Variants in CCDC177 observed in about 807,000 individuals in gnomAD.
CCDC177 encodes coiled-coil domain-containing protein 177.
Under a neutral mutation model 7.3 loss-of-function variants are expected in CCDC177, and 2 were observed. The ratio of observed to expected loss-of-function variants is 0.28; its 90% CI spans 0.11 to 0.87. The LOEUF (loss-of-function observed/expected upper bound fraction) is 0.87. Among genes scored for constraint, CCDC177 ranks in the 40% least tolerant of loss-of-function variants. CCDC177 has a pLI of 0.61. For synonymous variants in CCDC177, 401 were observed against 449.2 expected, an observed-to-expected ratio of 0.89 and a Z score of 1.36; for missense variants, 874 against 970.5, an observed-to-expected ratio of 0.90 and a Z score of 1.32.
rs1197094298 is a variant in CCDC177 at position 69,573,083 on chromosome 14, GGCC to G, written c.537_539del (p.Ala180del). 1.4e-4 allele frequency: 156 copies of G among 1,103,550 alleles called. 2 individuals carry two copies. The East Asian group carries it at 4.8e-3, about 34-fold the overall frequency. 68.4% of individuals were successfully genotyped at this position (1,103,550 alleles called of 1,614,324 possible). ...TGCTGCTGCCCGCGCTCGGGGCCGA[GGCC>G]GCGGCGGCGGCGGCGGCGGCGGCGG... On this transcript the variant is annotated inframe_deletion, in exon 2 of 2. Transcript: ENST00000599174.
Position 69,572,699 on chromosome 14 carries a change from C to G in CCDC177, c.924G>C (p.Leu308=). 1.6e-6 allele frequency: 2 copies of G among 1,231,494 alleles called. No individual in the cohort carries two copies. Among genetic ancestry groups the G allele is most frequent in the Non-Finnish European group, 2.0e-6 (2 of 987,778 alleles). The allele number at this position is 1,231,494 out of a possible 1,614,324, so 76.3% of individuals were successfully genotyped here. A position where few individuals can be genotyped will look rare whatever the true frequency, so the allele number is the denominator to read the frequency against. The stretch of plus-strand genomic sequence containing the variant: ...GCTGAGCGGTCTGCGGCGAATGGCT[C>G]AGGTCGCCGAGGCTGAAGCTGCGGC... The part of the protein sequence containing the change: ...ITGRSFSLGD[L]SHSPQTAQHV... Residue 308 remains leucine, a synonymous_variant, in exon 2 of 2, where the codon CTG becomes CTC. Coordinates refer to ENST00000599174, the MANE Select transcript of CCDC177 (RefSeq NM_001271507.2).
chr14:69,572,781 G>A lies in CCDC177; in HGVS notation c.842C>T (p.Ser281Phe). 1 of 1,230,914 alleles carries A rather than the reference G, an allele frequency of 8.1e-7. No homozygotes were observed. Among genetic ancestry groups the A allele is most frequent in the South Asian group, 4.1e-5 (1 of 24,302 alleles). The allele number at this position is 1,230,914 out of a possible 1,614,324, so 76.2% of individuals were successfully genotyped here. A position where few individuals can be genotyped will look rare whatever the true frequency, so the allele number is the denominator to read the frequency against. The change falls in exon 2 of 2, where the codon TCC becomes TTC. Residue 281 changes from serine to phenylalanine, a missense_variant. Ser to Phe is a radical substitution (Grantham distance 155). Transcript: ENST00000599174. The stretch of plus-strand genomic sequence containing the variant: ...GCGGCCCGGAGCGTTGGTGGTGGAG[G>A]ACGCCGACCCCGCTGGGCAGCTGTT... ...ARNSCPAGSA[S>F]STTNAPGRPS...
Position 69,572,362 on chromosome 14 carries a change from A to G in CCDC177, c.1261T>C (p.Tyr421His). The G allele has an allele frequency of 1.6e-6, 2 of 1,222,040 alleles. No homozygotes were observed. The highest frequency in any genetic ancestry group is 2.0e-6 in the Non-Finnish European group (2 of 982,016). The allele number at this position is 1,222,040 out of a possible 1,614,324, so 75.7% of individuals were successfully genotyped here. Reference protein sequence around the residue: ...REAARRRQRQYERSEERRREL... With the variant: ...REAARRRQRQHERSEERRREL... ...CGCCGCCGCTCCTCGCTGCGCTCGTACTGCCGCTGCCGCCGCCGCGCCGCC... is the reference window on the plus strand; with the variant it reads ...CGCCGCCGCTCCTCGCTGCGCTCGTGCTGCCGCTGCCGCCGCCGCGCCGCC... Residue 421 changes from tyrosine to histidine, a missense_variant, in exon 2 of 2, where the codon TAC becomes CAC. By Grantham distance (83) the Tyr-to-His change is moderately conservative (BLOSUM62 2). Transcript: ENST00000599174.
At position 69,571,206 on chromosome 14, in the gene CCDC177, A is replaced by G. The variant is rs1884317001; in HGVS notation, c.*293T>C. 1.8e-6 allele frequency: 1 copy of G among 549,738 alleles called. No homozygotes were observed. The highest frequency in any genetic ancestry group is 1.9e-5 in the African/African-American group (1 of 52,790). 34.1% of individuals were successfully genotyped at this position (549,738 alleles called of 1,614,324 possible). A position where few individuals can be genotyped will look rare whatever the true frequency, so the allele number is the denominator to read the frequency against. ...CAGTCCTGATCAGCCCCTTTCCCCC[A>G]AGCTTCTCTATTCCAGCCCAAGAGA... On this transcript the variant is annotated 3_prime_UTR_variant, in exon 2 of 2. Transcript: ENST00000599174.
In CCDC177 at chr14:69,571,672, G is replaced by C; in HGVS notation, c.1951C>G (p.Leu651Val). The change falls in exon 2 of 2, where the codon CTG becomes GTG. Residue 651 changes from leucine (L) to valine (V), a missense_variant. Physicochemically the swap from Leu to Val is conservative, Grantham distance 32 (BLOSUM62 1). Transcript: ENST00000599174. ...CGCGTCAGCTGCTCGCTGCGCTCCAGCTTGCGCCCGATGGCCTGGAGTAGC... is the reference window on the plus strand; with the variant it reads ...CGCGTCAGCTGCTCGCTGCGCTCCACCTTGCGCCCGATGGCCTGGAGTAGC... ...RELLQAIGRK[L>V]ERSEQLTRER... The C allele has an allele frequency of 8.1e-7, 1 of 1,232,088 alleles. No individual in the cohort carries two copies. Among genetic ancestry groups the C allele is most frequent in the African/African-American group, 1.5e-5 (1 of 64,550 alleles). The allele number at this position is 1,232,088 out of a possible 1,614,324, so 76.3% of individuals were successfully genotyped here. A position where few individuals can be genotyped will look rare whatever the true frequency, so the allele number is the denominator to read the frequency against.
intron 1 of CCDC177, 129 bp from the exon 2 acceptor site, chr14:69,573,779 C>G (rs1884384752): frequency 1.1e-6 from 1 of 888,014 alleles, no homozygotes; most frequent in Non-Finnish European, 1.5e-6. Flanking sequence ...GAACGTAAAT[C>G]ATAAAACCGA....
chr14:69,573,094 CGG>C lies in CCDC177; in HGVS notation c.527_528del (p.Ala176GlyfsTer35). On this transcript the variant is annotated frameshift_variant, in exon 2 of 2. Coordinates refer to ENST00000599174, the MANE Select transcript of CCDC177 (RefSeq NM_001271507.2). LOFTEE classifies it low-confidence loss of function (END_TRUNC). The part of the protein sequence containing the change: ...PLSPAAAAAA[A>X]AAAASAPSAG... The stretch of plus-strand genomic sequence containing the variant: ...GCGCTCGGGGCCGAGGCCGCGGCGG[CGG>C]CGGCGGCGGCGGCGGCCGCGGGGCT... 1 of 884,386 alleles carries C rather than the reference CGG, an allele frequency of 1.1e-6. No homozygotes were observed. The highest frequency in any genetic ancestry group is 1.4e-6 in the Non-Finnish European group (1 of 696,306). The allele number at this position is 884,386 out of a possible 1,614,324, so 54.8% of individuals were successfully genotyped here. A position where few individuals can be genotyped will look rare whatever the true frequency, so the allele number is the denominator to read the frequency against.
Position 69,574,510 on chromosome 14 carries a change from G to T in CCDC177, c.-29+32C>A, listed in dbSNP as rs534056611. ...AAAGAACCTGGCCGCCCAGGTTCCC[G>T]CAGCTCCCGGTACCCGAGCCGGTTT... On this transcript the variant is annotated intron_variant, in intron 1 of 1. Transcript: ENST00000599174. The T allele has an allele frequency of 5.5e-3, 842 of 152,354 alleles. 5 individuals carry two copies. The highest frequency in any genetic ancestry group is 0.019 in the African/African-American group (794 of 41,570). The allele number at this position is 152,354 out of a possible 1,614,324, so 9.4% of individuals were successfully genotyped here.
chr14:69,572,627 G>T lies in CCDC177; in HGVS notation c.996C>A (p.Arg332=). 8.1e-7 allele frequency: 1 copy of T among 1,231,252 alleles called. No homozygotes were observed. The highest frequency in any genetic ancestry group is 1.0e-6 in the Non-Finnish European group (1 of 987,604). 76.3% of individuals were successfully genotyped at this position (1,231,252 alleles called of 1,614,324 possible). A position where few individuals can be genotyped will look rare whatever the true frequency, so the allele number is the denominator to read the frequency against. The change falls in exon 2 of 2, where the codon CGC becomes CGA. Residue 332 remains arginine (R), a synonymous_variant. Transcript: ENST00000599174. ...VRQVRAERGL[R]GVPERDRKIA... ...TCTTCCGGTCACGCTCCGGCACCCC[G>T]CGCAGGCCGCGCTCTGCACGCACTT... is the stretch of plus-strand genomic sequence containing the variant.
At chr14:69,573,773 G>T in intron 1 of CCDC177, 123 bp from the exon 2 acceptor site, 1 of 922,542 alleles carries the variant, frequency 1.1e-6, no homozygotes, top group Non-Finnish European at 1.4e-6. Context: ...TTGGTGGAAC[G>T]TAAATCATAA....
At chr14:69,574,335 A>G (rs1286201640) in intron 1 of CCDC177, among the ~76,000 whole-genome samples, 6 of 151,958 alleles carry the variant, frequency 3.9e-5, no homozygotes, top group Non-Finnish European at 8.8e-5. Context: ...GGGGATGGAG[A>G]AGGTGCCTGG....
In CCDC177 at chr14:69,572,879, C is replaced by T. The variant is rs987007762; in HGVS notation, c.744G>A (p.Ser248=). Residue 248 remains serine, a synonymous_variant, in exon 2 of 2, where the codon TCG becomes TCA. Coordinates refer to ENST00000599174, the MANE Select transcript of CCDC177 (RefSeq NM_001271507.2). ...CACTGTAGGATGACGACGATGCGCC[C>T]GACTCGGAGCTGAGGGCGCCCTCAC... ...RRREGALSSE[S]GASSSSYSGE... 1 of 1,230,952 alleles carries T rather than the reference C, an allele frequency of 8.1e-7. No homozygotes were observed. The highest frequency in any genetic ancestry group is 1.0e-6 in the Non-Finnish European group (1 of 987,472). 76.3% of individuals were successfully genotyped at this position (1,230,952 alleles called of 1,614,324 possible). A position where few individuals can be genotyped will look rare whatever the true frequency, so the allele number is the denominator to read the frequency against.
chr14:69,573,455 G>C lies in CCDC177; in HGVS notation c.168C>G (p.Val56=). ...GCCCGCCTTCTGCGGCTGCACATGG[G>C]ACTTCTGCCTTGCGGGGCACCGCCG... ...ASAAVPRKAE[V]PCAAAEGGRR... The change falls in exon 2 of 2, where the codon GTC becomes GTG. Residue 56 remains valine, a synonymous_variant. Coordinates refer to ENST00000599174, the MANE Select transcript of CCDC177 (RefSeq NM_001271507.2). 2.4e-6 allele frequency: 3 copies of C among 1,231,444 alleles called. No individual in the cohort carries two copies. The highest frequency in any genetic ancestry group is 1.0e-6 in the Non-Finnish European group (1 of 987,814). 76.3% of individuals were successfully genotyped at this position (1,231,444 alleles called of 1,614,324 possible). A position where few individuals can be genotyped will look rare whatever the true frequency, so the allele number is the denominator to read the frequency against.
Position 69,570,760 on chromosome 14 carries a change from A to G in CCDC177, c.*739T>C. The G allele has an allele frequency of 2.2e-6, 1 of 456,912 alleles. No homozygotes were observed. The highest frequency in any genetic ancestry group is 1.5e-5 in the South Asian group (1 of 64,526). 28.3% of individuals were successfully genotyped at this position (456,912 alleles called of 1,614,324 possible). ...GGCTGGGGGTTTCTATTAAAGCTAAACAGCATCACCAAACCAACCAATTTC... is the reference window on the plus strand; with the variant it reads ...GGCTGGGGGTTTCTATTAAAGCTAAGCAGCATCACCAAACCAACCAATTTC... On this transcript the variant is annotated 3_prime_UTR_variant, in exon 2 of 2. Coordinates refer to ENST00000599174, the MANE Select transcript of CCDC177 (RefSeq NM_001271507.2).
At position 69,572,079 on chromosome 14, in the gene CCDC177, A is replaced by G; in HGVS notation, c.1544T>C (p.Leu515Pro). ...CTGCTGCCGGGTCCGACCCTGTAGC[A>G]GCGCCTCGTGGCGCGCCCGCTCGGC... ...SRAERARHEA[L>P]LQGRTRQQRQ... is the part of the protein sequence containing the mutation. The change falls in exon 2 of 2, where the codon CTG becomes CCG. Residue 515 changes from leucine to proline, a missense_variant. Leu to Pro is a moderately conservative substitution (Grantham distance 98). Transcript: ENST00000599174. The G allele has an allele frequency of 8.1e-7, 1 of 1,230,486 alleles. No homozygotes were observed. The highest frequency in any genetic ancestry group is 1.0e-6 in the Non-Finnish European group (1 of 987,202). 76.2% of individuals were successfully genotyped at this position (1,230,486 alleles called of 1,614,324 possible). A position where few individuals can be genotyped will look rare whatever the true frequency, so the allele number is the denominator to read the frequency against.
Position 69,573,668 on chromosome 14 carries a change from G to A in CCDC177, c.-28-18C>T, listed in dbSNP as rs1317260932. ...TGGAATCTCTGCAGATCACAAGGAG[G>A]GACATCGAGGAATACGTCTGAGAGC... On this transcript the variant is annotated intron_variant, in intron 1 of 1. Transcript: ENST00000599174. 1 of 1,231,724 alleles carries A rather than the reference G, an allele frequency of 8.1e-7. No individual in the cohort carries two copies. Among genetic ancestry groups the A allele is most frequent in the East Asian group, 3.2e-5 (1 of 31,710 alleles). The allele number at this position is 1,231,724 out of a possible 1,614,324, so 76.3% of individuals were successfully genotyped here.
In CCDC177 at chr14:69,571,783, C is replaced by G. The variant is rs569592833; in HGVS notation, c.1840G>C (p.Val614Leu). 1.5e-5 allele frequency: 18 copies of G among 1,231,498 alleles called. No individual in the cohort carries two copies. The highest frequency in any genetic ancestry group is 4.2e-5 in the Admixed American group (1 of 23,704). The allele number at this position is 1,231,498 out of a possible 1,614,324, so 76.3% of individuals were successfully genotyped here. ...EEAVQQKARRVGQSRLEKERA... is the reference protein window; with the variant it reads ...EEAVQQKARRLGQSRLEKERA... ...TCCTTCTCCAGCCGGCTCTGGCCCA[C>G]GCGCCGCGCCTTCTGCTGCACTGCT... The change falls in exon 2 of 2, where the codon GTG becomes CTG. Residue 614 changes from valine to leucine, a missense_variant. Coordinates refer to ENST00000599174, the MANE Select transcript of CCDC177 (RefSeq NM_001271507.2).
In CCDC177 at chr14:69,573,023, G is replaced by A; in HGVS notation, c.600C>T (p.Pro200=). Residue 200 remains proline (P), a synonymous_variant, in exon 2 of 2, where the codon CCC becomes CCT. Transcript: ENST00000599174. ...SCSSASLPAS[P]APRAARKASP... is the part of the protein sequence containing the mutation. The stretch of plus-strand genomic sequence containing the variant: ...AAGCCTTGCGGGCCGCACGCGGCGC[G>A]GGCGAGGCCGGGAGGCTGGCGCTGC... 8.1e-7 allele frequency: 1 copy of A among 1,229,598 alleles called. No individual in the cohort carries two copies. The highest frequency in any genetic ancestry group is 1.0e-6 in the Non-Finnish European group (1 of 986,988). 76.2% of individuals were successfully genotyped at this position (1,229,598 alleles called of 1,614,324 possible). A position where few individuals can be genotyped will look rare whatever the true frequency, so the allele number is the denominator to read the frequency against.
chr14:69,572,090 G>C lies in CCDC177; in HGVS notation c.1533C>G (p.Arg511=). 8.1e-7 allele frequency: 1 copy of C among 1,230,588 alleles called. No homozygotes were observed. Among genetic ancestry groups the C allele is most frequent in the Non-Finnish European group, 1.0e-6 (1 of 987,160 alleles). 76.2% of individuals were successfully genotyped at this position (1,230,588 alleles called of 1,614,324 possible). Residue 511 remains arginine (R), a synonymous_variant, in exon 2 of 2, where the codon CGC becomes CGG. Transcript: ENST00000599174. The part of the protein sequence containing the change: ...KRELSRAERA[R]HEALLQGRTR... ...TCCGACCCTGTAGCAGCGCCTCGTG[G>C]CGCGCCCGCTCGGCCCGGCTCAGCT...
Sources: allele counts gnomAD v4.1 joint callset (sites outside exome capture counted in the v4.1 genomes callset), GRCh38; gene constraint gnomAD v4.1.1; transcripts MANE v1.5; gene names NCBI Gene and HGNC (gene_info 2026-07-23, HGNC 2026-07-21).